SORBS2: variants seen among roughly 807,000 people sequenced by gnomAD.
SORBS2 encodes the protein sorbin and SH3 domain containing 2.
SORBS2 carries 46 observed loss-of-function variants against 97.7 expected under a neutral mutation model. The ratio of observed to expected loss-of-function variants is 0.47; its 90% CI spans 0.37 to 0.60. The LOEUF is 0.60. Among genes scored for constraint, SORBS2 ranks in the 20% least tolerant of loss-of-function variants. The probability of loss-of-function intolerance (pLI) is 0.00; values close to 1 mark genes in which losing one functional copy is unlikely to be tolerated. For missense variants in SORBS2, 1,316 were observed against 1,282.3 expected (o/e 1.03, Z -0.40); for synonymous variants, 476 against 473.4 (o/e 1.01, Z -0.07).
chr4:185,624,605 C>G, intron 6 of SORBS2, 111 bp from the exon 19 acceptor site: 2 of 1,195,384 alleles, frequency 1.7e-6, no homozygotes, highest in Non-Finnish European at 2.3e-6. Context: ...AAGGAGAAAG[C>G]AGTTAGTGTG....
Position 185,693,356 on chromosome 4 carries a change from G to A in SORBS2, c.-197-14534C>T, listed in dbSNP as rs537045479. ...ATTGAGGGATACCGATGAAGTCAGG[G>A]AAGAGGGCAGCGGCCAGCACAGGAG... On this transcript the variant is annotated intron_variant, in intron 2 of 20. Transcript: ENST00000284776. Among the ~76,000 whole-genome samples, 4 of 152,254 alleles carry A rather than the reference G, an allele frequency of 2.6e-5. No homozygotes were observed. The South Asian group carries it at 6.2e-4, about 24-fold the overall frequency.
intron 1 of SORBS2, among the ~76,000 whole-genome samples, chr4:185,875,294 T>A (rs1485832683): frequency 6.6e-6 from 1 of 152,234 alleles, no homozygotes; most frequent in Admixed American, 6.5e-5. Context: ...GATACATATG[T>A]TCATTAGCTT....
chr4:185,651,109 G>A (rs905163621), intron 2 of SORBS2, among the ~76,000 whole-genome samples: 15 of 152,326 alleles, frequency 9.8e-5, no homozygotes, highest in Admixed American at 3.9e-4. Context: ...CTGAGCCTGT[G>A]ACTGGGCAGG....
At chr4:185,754,369 G>T (rs2098818554) in intron 2 of SORBS2, among the ~76,000 whole-genome samples, 1 of 152,096 alleles carries the variant, frequency 6.6e-6, no homozygotes, top group Admixed American at 6.5e-5. Context: ...CCTGGGTCAT[G>T]AAATAATCTG....
At chr4:185,722,392 G>C (rs770564139) in intron 2 of SORBS2, among the ~76,000 whole-genome samples, 2 of 152,062 alleles carry the variant, frequency 1.3e-5, no homozygotes, top group Non-Finnish European at 2.9e-5. Flanking sequence ...CATTCATGTG[G>C]GCATTTAATT....
intron 2 of SORBS2, among the ~76,000 whole-genome samples, chr4:185,754,447 T>C: frequency 6.6e-6 from 1 of 151,962 alleles, no homozygotes. Flanking sequence ...ATAACAAACC[T>C]GCACATGTAC....
chr4:185,699,043 A>G (rs1344099077), intron 2 of SORBS2, among the ~76,000 whole-genome samples: 2 of 152,162 alleles, frequency 1.3e-5, no homozygotes, highest in East Asian at 3.9e-4. Context: ...TTTCCTGAGC[A>G]CCTGAAATAA....
At chr4:185,838,572 C>G (rs891754948) in intron 1 of SORBS2, among the ~76,000 whole-genome samples, 3 of 152,226 alleles carry the variant, frequency 2.0e-5, no homozygotes, top group Non-Finnish European at 2.9e-5. Context: ...CCATGTGACA[C>G]AACAGCCGCC....
intron 12 of SORBS2, among the ~76,000 whole-genome samples, chr4:185,598,048 C>T (rs2096156846): frequency 6.6e-6 from 1 of 152,112 alleles, no homozygotes; most frequent in African/African-American, 2.4e-5. Context: ...TTCCATTTCC[C>T]CTAACTTCTT....
chr4:185,857,750 A>T (rs904363676), intron 1 of SORBS2, among the ~76,000 whole-genome samples: 3 of 152,170 alleles, frequency 2.0e-5, no homozygotes, highest in Non-Finnish European at 1.5e-5. Flanking sequence ...TATACGGTTG[A>T]GATAAGGGAT....
At chr4:185,604,417 A>C (rs1234051308) in intron 12 of SORBS2, among the ~76,000 whole-genome samples, 3 of 152,148 alleles carry the variant, frequency 2.0e-5, no homozygotes, top group African/African-American at 7.2e-5. Flanking sequence ...GGGCTGAGAA[A>C]GTGTAGAGTC....
intron 2 of SORBS2, among the ~76,000 whole-genome samples, chr4:185,681,979 A>G (rs2097876316): frequency 6.6e-6 from 1 of 152,238 alleles, no homozygotes. Flanking sequence ...TCATTTCTTT[A>G]GAAGACTCAA....
intron 1 of SORBS2, among the ~76,000 whole-genome samples, chr4:185,853,537 G>A (rs1475248996): frequency 1.3e-5 from 2 of 152,170 alleles, no homozygotes; most frequent in African/African-American, 4.8e-5. Context: ...GAGAACATGA[G>A]AGGGATACAC....
chr4:185,928,809 G>A (rs1166246750), intron 1 of SORBS2, among the ~76,000 whole-genome samples: 1 of 152,174 alleles, frequency 6.6e-6, no homozygotes, highest in African/African-American at 2.4e-5. Context: ...GCCTCCTAAA[G>A]TGCTGGGATT....
intron 1 of SORBS2, among the ~76,000 whole-genome samples, chr4:185,794,412 T>C (rs2153650799): frequency 6.6e-6 from 1 of 152,332 alleles, no homozygotes; most frequent in East Asian, 1.9e-4. Context: ...AAAGTGATCA[T>C]TAAATTTACA....
upstream of SORBS2, among the ~76,000 whole-genome samples, chr4:185,661,604 T>A (rs1010649354): frequency 6.6e-6 from 1 of 152,194 alleles, no homozygotes; most frequent in African/African-American, 2.4e-5. Flanking sequence ...TGACTGCAGG[T>A]CTTCCAGCCT....
At chr4:185,911,884 T>G (rs1458505032) in intron 1 of SORBS2, among the ~76,000 whole-genome samples, 1 of 152,148 alleles carries the variant, frequency 6.6e-6, no homozygotes, top group African/African-American at 2.4e-5. Flanking sequence ...ACAGAACAGT[T>G]TGTGAGCAAC....
intron 1 of SORBS2, among the ~76,000 whole-genome samples, chr4:185,903,768 G>A (rs185509334): frequency 1.6e-4 from 24 of 152,284 alleles, no homozygotes; most frequent in Middle Eastern, 3.4e-3. Flanking sequence ...CAGATTGCAC[G>A]ATAACCTTGA....
chr4:185,669,897 A>G (rs2097682899), intron 4 of SORBS2, among the ~76,000 whole-genome samples: 1 of 152,192 alleles, frequency 6.6e-6, no homozygotes, highest in African/African-American at 2.4e-5. Context: ...GCCATCTTAA[A>G]TAATTTGTAA....
Sources: allele counts gnomAD v4.1 joint callset (sites outside exome capture counted in the v4.1 genomes callset), GRCh38; gene constraint gnomAD v4.1.1; transcripts MANE v1.5; gene names NCBI Gene and HGNC (gene_info 2026-07-23, HGNC 2026-07-21).